KAT2B: variants seen among roughly 807,000 people sequenced by gnomAD.
KAT2B encodes histone acetyltransferase KAT2B.
In KAT2B, 36 loss-of-function variants were observed where a neutral mutation model predicts 105.9. The observed-to-expected ratio is 0.34, with a 90% CI of 0.26 to 0.45. The LOEUF is 0.45. KAT2B is among the 20% of genes least tolerant of loss of function. The pLI, the probability that KAT2B is intolerant of heterozygous loss-of-function variation, is 1.00. For missense variants in KAT2B, 820 were observed against 1,021.6 expected (o/e 0.80, Z 2.69); for synonymous variants, 397 against 377.9 (o/e 1.05, Z -0.59).
intron 1 of KAT2B, among the ~76,000 whole-genome samples, chr3:20,042,809 A>G (rs1249965822): frequency 1.3e-5 from 2 of 152,112 alleles, no homozygotes; most frequent in Admixed American, 6.5e-5. Flanking sequence ...TCAAATTTCC[A>G]TGGGTGAGAT....
At chr3:20,117,362 A>C (rs930324219) in intron 7 of KAT2B, among the ~76,000 whole-genome samples, 1 of 152,214 alleles carries the variant, frequency 6.6e-6, no homozygotes, top group Non-Finnish European at 1.5e-5. Context: ...AGAAGAGTGT[A>C]ATCATCTACT....
At chr3:20,134,636 T>C (rs1029009182) in intron 11 of KAT2B, among the ~76,000 whole-genome samples, 2 of 152,154 alleles carry the variant, frequency 1.3e-5, no homozygotes, top group Non-Finnish European at 2.9e-5. Flanking sequence ...CTCGATCTCC[T>C]GACCTCATGA....
At chr3:20,052,228 AATCTT>A (rs913443849) in intron 1 of KAT2B, among the ~76,000 whole-genome samples, 1 of 152,286 alleles carries the variant, frequency 6.6e-6, no homozygotes, top group Non-Finnish European at 1.5e-5. Context: ...ATCACTCTAT[AATCTT>A]ATCTTGTTTT....
chr3:20,070,951 G>A (rs1698310944), intron 1 of KAT2B, among the ~76,000 whole-genome samples: 1 of 150,728 alleles, frequency 6.6e-6, no homozygotes, highest in African/African-American at 2.4e-5. Context: ...GGAGGATGCA[G>A]TGAGACAAGA....
intron 5 of KAT2B, among the ~76,000 whole-genome samples, chr3:20,108,196 A>G (rs1255949533): frequency 1.3e-5 from 2 of 152,154 alleles, no homozygotes; most frequent in Non-Finnish European, 2.9e-5. Flanking sequence ...TAGAACAATC[A>G]AGTTGTGTTT....
chr3:20,096,711 GGCT>G (rs2125195966), intron 3 of KAT2B, among the ~76,000 whole-genome samples: 1 of 151,980 alleles, frequency 6.6e-6, no homozygotes, highest in African/African-American at 2.4e-5. Flanking sequence ...CTTTTGCTTT[GGCT>G]GCTAGGAATC....
rs1697694023 is a variant in KAT2B at position 20,040,563 on chromosome 3, C to T, written c.86C>T (p.Pro29Leu). The T allele has an allele frequency of 9.2e-7, 1 of 1,088,830 alleles. No homozygotes were observed. The highest frequency in any genetic ancestry group is 1.1e-6 in the Non-Finnish European group (1 of 897,834). 67.4% of individuals were successfully genotyped at this position (1,088,830 alleles called of 1,614,324 possible). ...GAGPGALPPQ[P>L]AALPPAPPQG... Reference sequence around the variant, plus strand: ...GGGCCCGGGGCGCTGCCCCCGCAGCCTGCGGCGCTTCCGCCCGCGCCCCCG... The same window carrying T: ...GGGCCCGGGGCGCTGCCCCCGCAGCTTGCGGCGCTTCCGCCCGCGCCCCCG... Residue 29 changes from proline to leucine, a missense_variant, in exon 1 of 18, where the codon CCT (proline) becomes CTT (leucine). Physicochemically the swap from Pro to Leu is moderately conservative, Grantham distance 98. This residue lies in a region of KAT2B where 190 missense variants were observed against 176.7 expected (regional missense o/e 1.08). Coordinates refer to ENST00000263754, the MANE Select transcript of KAT2B (RefSeq NM_003884.5).
intron 2 of KAT2B, among the ~76,000 whole-genome samples, chr3:20,090,234 C>T (rs947885656): frequency 2.0e-5 from 3 of 152,122 alleles, no homozygotes; most frequent in Non-Finnish European, 4.4e-5. Flanking sequence ...TCCAATACTA[C>T]GTTGAAAAGA....
rs1334148294 is a variant in KAT2B, at chr3:20,152,357, C to G, written c.2331C>G (p.Leu777=). The stretch of plus-strand genomic sequence containing the variant: ...ATCTGAAAACCATGAGTGAACGCCT[C>G]AAGAATAGGTACTACGTGTCTAAGA... ...PMDLKTMSER[L]KNRYYVSKKL... is the part of the protein sequence containing the mutation. Residue 777 remains leucine, a synonymous_variant, in exon 18 of 18, where the codon CTC becomes CTG. Coordinates refer to ENST00000263754, the MANE Select transcript of KAT2B (RefSeq NM_003884.5). 3.7e-6 allele frequency: 6 copies of G among 1,612,772 alleles called. No individual in the cohort carries two copies. The African/African-American group carries it at 6.7e-5, about 18-fold the overall frequency.
chr3:20,081,387 G>A (rs570586428), intron 2 of KAT2B, among the ~76,000 whole-genome samples: 1 of 152,288 alleles, frequency 6.6e-6, no homozygotes, highest in South Asian at 2.1e-4. Flanking sequence ...GTTGACAGCT[G>A]CACCGTGATT....
chr3:20,127,379 A>T (rs1401588464), intron 10 of KAT2B, 44 bp from the exon 11 acceptor site: 2 of 1,555,484 alleles, frequency 1.3e-6, no homozygotes, highest in African/African-American at 2.7e-5. Flanking sequence ...GTATATTTAT[A>T]TAACTAGGAT....
chr3:20,073,470 G>C (rs1367445821), intron 2 of KAT2B, among the ~76,000 whole-genome samples: 1 of 152,170 alleles, frequency 6.6e-6, no homozygotes, highest in Non-Finnish European at 1.5e-5. Context: ...TACTCAGAGA[G>C]TATTTCAATA....
At chr3:20,104,842 G>T (rs1698970315) in intron 5 of KAT2B, among the ~76,000 whole-genome samples, 1 of 151,104 alleles carries the variant, frequency 6.6e-6, no homozygotes, top group Non-Finnish European at 1.5e-5. Flanking sequence ...TTACTTCTCT[G>T]TTCTGAAGAA....
intron 1 of KAT2B, among the ~76,000 whole-genome samples, chr3:20,058,392 T>C (rs1319580017): frequency 6.8e-6 from 1 of 147,740 alleles, no homozygotes; most frequent in Non-Finnish European, 1.5e-5. Flanking sequence ...GAGGCGGACA[T>C]TGCAGTGAGC....
intron 1 of KAT2B, among the ~76,000 whole-genome samples, chr3:20,062,195 ATATATT>A (rs1559514277): frequency 3.7e-5 from 2 of 54,102 alleles, no homozygotes; most frequent in African/African-American, 1.5e-4. Context: ...TATAAAATAT[ATATATT>A]TTATATAAAA....
At chr3:20,135,933 G>A (rs1699592243) in intron 11 of KAT2B, among the ~76,000 whole-genome samples, 1 of 152,192 alleles carries the variant, frequency 6.6e-6, no homozygotes, top group African/African-American at 2.4e-5. Flanking sequence ...TATGATGCCT[G>A]AAAATGAATT....
intron 2 of KAT2B, among the ~76,000 whole-genome samples, chr3:20,082,162 G>A (rs1698531760): frequency 6.6e-6 from 1 of 151,908 alleles, no homozygotes; most frequent in African/African-American, 2.4e-5. Context: ...AGCCTCCCAA[G>A]TAGCTGGGAT....
chr3:20,058,871 T>C (rs1698047535), intron 1 of KAT2B, among the ~76,000 whole-genome samples: 1 of 152,202 alleles, frequency 6.6e-6, no homozygotes, highest in South Asian at 2.1e-4. Context: ...CTTCAAATCT[T>C]GGCTACTCAA....
intron 1 of KAT2B, among the ~76,000 whole-genome samples, chr3:20,052,340 G>A (rs1697929631): frequency 6.6e-6 from 1 of 152,192 alleles, no homozygotes; most frequent in African/African-American, 2.4e-5. Context: ...CCATGAAGCG[G>A]AGATTTGGGT....
Sources: allele counts gnomAD v4.1 joint callset (sites outside exome capture counted in the v4.1 genomes callset), GRCh38; gene constraint gnomAD v4.1.1; regional missense constraint gnomAD v4.1.1; transcripts MANE v1.5; gene names NCBI Gene and HGNC (gene_info 2026-07-23, HGNC 2026-07-21).